CHRM3: variants seen among roughly 807,000 people sequenced by gnomAD.
CHRM3 encodes muscarinic acetylcholine receptor M3.
CHRM3 carries 11 observed loss-of-function variants against 41.8 expected under a neutral mutation model. The ratio of observed to expected loss-of-function variants is 0.26; its 90% CI spans 0.17 to 0.44. The LOEUF is 0.44. Among genes scored for constraint, CHRM3 ranks in the 20% least tolerant of loss-of-function variants. The probability of loss-of-function intolerance (pLI) is 1.00; values close to 1 mark genes in which losing one functional copy is unlikely to be tolerated. For missense variants in CHRM3, 571 were observed against 745.4 expected (o/e 0.77, Z 2.72); for synonymous variants, 297 against 301.4 (o/e 0.99, Z 0.15).
intron 5 of CHRM3, among the ~76,000 whole-genome samples, chr1:239,760,678 A>T (rs1450700925): frequency 3.3e-5 from 5 of 151,942 alleles, no homozygotes; most frequent in Admixed American, 6.6e-5. Context: ...GAGTTCTTTA[A>T]AGGGGCCGCT....
chr1:239,659,794 T>C (rs1673028584), intron 4 of CHRM3, among the ~76,000 whole-genome samples: 1 of 152,178 alleles, frequency 6.6e-6, no homozygotes, highest in African/African-American at 2.4e-5. Flanking sequence ...AGAAGTTAGC[T>C]CATTACCTAC....
intron 2 of CHRM3, among the ~76,000 whole-genome samples, chr1:239,540,393 C>G (rs1370511515): frequency 1.3e-5 from 2 of 152,050 alleles, no homozygotes; most frequent in Non-Finnish European, 2.9e-5. Flanking sequence ...CTTCAGTAAT[C>G]CTTTAAAAAA....
chr1:239,820,997 A>G (rs1284832771), intron 5 of CHRM3, among the ~76,000 whole-genome samples: 3 of 152,156 alleles, frequency 2.0e-5, no homozygotes, highest in African/African-American at 7.2e-5. Flanking sequence ...TTTCTCTTAC[A>G]CTGACAAAAA....
At chr1:239,639,534 A>G (rs141895898) in intron 4 of CHRM3, among the ~76,000 whole-genome samples, 92,832 of 151,430 alleles carry the variant, frequency 0.61, 28,810 homozygotes, top group East Asian at 0.83. Flanking sequence ...AATTGTGAAT[A>G]GGAGTTCACT....
chr1:239,895,655 A>T (rs1369035618), intron 6 of CHRM3, among the ~76,000 whole-genome samples: 1 of 152,212 alleles, frequency 6.6e-6, no homozygotes, highest in Non-Finnish European at 1.5e-5. Flanking sequence ...AAATGAGATC[A>T]TGTCCTTTGC....
intron 4 of CHRM3, among the ~76,000 whole-genome samples, chr1:239,634,376 C>CAGAAAGAAAGAAAGAAAGAAAGAAAGAAA (rs1553347938): frequency 1.3e-4 from 17 of 135,562 alleles, no homozygotes; most frequent in African/African-American, 4.8e-4. Context: ...CAAGAACAAA[C>CAGAAAGAAAGAAAGAAAGAAAGAAAGAAA]GAAAGAAAGA....
intron 1 of CHRM3, among the ~76,000 whole-genome samples, chr1:239,484,680 C>T (rs1212906383): frequency 2.6e-5 from 4 of 152,032 alleles, no homozygotes; most frequent in African/African-American, 9.7e-5. Flanking sequence ...GTCTGGGCAA[C>T]AGAGCAAATC....
intron 5 of CHRM3, among the ~76,000 whole-genome samples, chr1:239,787,194 A>G (rs1471117303): frequency 6.6e-6 from 1 of 152,154 alleles, no homozygotes; most frequent in African/African-American, 2.4e-5. Flanking sequence ...TTAATTTTAG[A>G]TTTCTGAAGT....
At chr1:239,530,188 C>A (rs1670302278) in intron 2 of CHRM3, among the ~76,000 whole-genome samples, 1 of 152,102 alleles carries the variant, frequency 6.6e-6, no homozygotes. Flanking sequence ...CAGGCGTGAG[C>A]CACCGTGCCC....
intron 4 of CHRM3, among the ~76,000 whole-genome samples, chr1:239,654,485 G>A (rs1175122517): frequency 2.0e-5 from 3 of 152,200 alleles, no homozygotes; most frequent in Admixed American, 1.3e-4. Flanking sequence ...TGCAAACTTC[G>A]CCTCCTGGGT....
intron 6 of CHRM3, among the ~76,000 whole-genome samples, chr1:239,863,004 C>T (rs1675763524): frequency 6.6e-6 from 1 of 152,132 alleles, no homozygotes; most frequent in South Asian, 2.1e-4. Flanking sequence ...AATCTGTTTC[C>T]TTAAATAAAT....
chr1:239,898,538 G>C (rs1401770009), intron 6 of CHRM3: 1 of 152,170 alleles, frequency 6.6e-6, no homozygotes. Context: ...ACGCACGGCT[G>C]TATGTTGCAA....
chr1:239,870,653 G>A (rs1306542299), intron 6 of CHRM3, among the ~76,000 whole-genome samples: 1 of 152,102 alleles, frequency 6.6e-6, no homozygotes, highest in Non-Finnish European at 1.5e-5. Context: ...CCTCCTCTAT[G>A]TTCCGTGCTG....
intron 1 of CHRM3, among the ~76,000 whole-genome samples, chr1:239,417,599 T>TGG (rs1661603319): frequency 2.9e-5 from 4 of 136,566 alleles, no homozygotes; most frequent in African/African-American, 1.1e-4. Flanking sequence ...TTTTTTTTGC[T>TGG]TTTTCTCTTA....
intron 5 of CHRM3, among the ~76,000 whole-genome samples, chr1:239,747,785 AT>A (rs111723707): frequency 3.9e-5 from 6 of 152,332 alleles, no homozygotes; most frequent in African/African-American, 1.4e-4. Flanking sequence ...CAATACCAGC[AT>A]TTTGGAAGAC....
chr1:239,399,065 G>C (rs1044757500), intron 1 of CHRM3, among the ~76,000 whole-genome samples: 11 of 152,112 alleles, frequency 7.2e-5, no homozygotes, highest in Non-Finnish European at 1.3e-4. Context: ...AACCACCATG[G>C]GCAAAGAAAG....
intron 6 of CHRM3, among the ~76,000 whole-genome samples, chr1:239,858,358 A>T (rs2149257390): frequency 6.6e-6 from 1 of 152,292 alleles, no homozygotes; most frequent in East Asian, 1.9e-4. Context: ...GAATCAAATC[A>T]AAGAACAGCA....
At chr1:239,510,774 G>T (rs1305069937) in intron 2 of CHRM3, among the ~76,000 whole-genome samples, 1 of 152,068 alleles carries the variant, frequency 6.6e-6, no homozygotes, top group East Asian at 1.9e-4. Flanking sequence ...GACCTCAGCT[G>T]ATCCGCCTGC....
At chr1:239,621,817 A>G (rs1399037992) in intron 3 of CHRM3, among the ~76,000 whole-genome samples, 1 of 152,172 alleles carries the variant, frequency 6.6e-6, no homozygotes, top group Non-Finnish European at 1.5e-5. Flanking sequence ...AGTGCAGATC[A>G]TTGATGAAGG....
Sources: allele counts gnomAD v4.1 joint callset (sites outside exome capture counted in the v4.1 genomes callset), GRCh38; gene constraint gnomAD v4.1.1; transcripts MANE v1.5; gene names NCBI Gene and HGNC (gene_info 2026-07-23, HGNC 2026-07-21).